Variants in SPTBN4 observed in about 807,000 individuals in gnomAD.
SPTBN4 encodes the protein spectrin beta chain, non-erythrocytic 4.
SPTBN4 carries 96 observed loss-of-function variants against 277.8 expected under a neutral mutation model. The observed-to-expected ratio is 0.35, with a 90% CI of 0.29 to 0.41. The LOEUF is 0.41. Among genes scored for constraint, SPTBN4 ranks in the 10% least tolerant of loss-of-function variants. The pLI is 1.00. For synonymous variants in SPTBN4, 1,481 were observed against 1,580.3 expected, an observed-to-expected ratio of 0.94 and a Z score of 1.49; for missense variants, 3,006 against 3,595.7, an observed-to-expected ratio of 0.84 and a Z score of 4.19.
At chr19:40,520,194 G>T in intron 16 of SPTBN4, 43 bp downstream of exon 16, 1 of 1,325,418 alleles carries the variant, frequency 7.5e-7, no homozygotes, top group South Asian at 2.1e-5. Flanking sequence ...AGAGTCCGAG[G>T]CCGCGGGGGG....
Position 40,560,348 on chromosome 19 carries a change from C to T in SPTBN4, c.5860C>T (p.Leu1954=), listed in dbSNP as rs202196587. The change falls in exon 27 of 36, where the codon CTG becomes TTG. Residue 1954 remains leucine, a synonymous_variant. Coordinates refer to ENST00000598249, the MANE Select transcript of SPTBN4 (RefSeq NM_020971.3). This position sits in a 1 kb window ranked among gnomAD's most constrained non-coding sequence, Gnocchi z 5.2. The part of the protein sequence containing the change: ...ALRFHSQVRD[L]LSWMDGIASQ... ...GCGCTTCCACAGCCAAGTCCGCGAC[C>T]TGCTCTCCTGGATGGATGGCATCGC... 5.9e-5 allele frequency: 95 copies of T among 1,614,132 alleles called. No homozygotes were observed. In the East Asian group the frequency reaches 2.1e-3, roughly 36 times the overall value.
At chr19:40,516,095 A>G (rs2080457063) in intron 15 of SPTBN4, among the ~76,000 whole-genome samples, 1 of 149,204 alleles carries the variant, frequency 6.7e-6, no homozygotes, top group Admixed American at 6.7e-5. Context: ...AAATTTAGCC[A>G]AGCATGGTGG....
intron 1 of SPTBN4, among the ~76,000 whole-genome samples, chr19:40,467,842 C>G (rs1259686437): frequency 6.6e-6 from 1 of 152,134 alleles, no homozygotes; most frequent in Non-Finnish European, 1.5e-5. Context: ...AACTGAGGCA[C>G]AGAAAGGCCA....
rs1327661142 is a variant in SPTBN4, at chr19:40,512,844, G to A, written c.2055G>A (p.Ala685=). The A allele has an allele frequency of 6.9e-7, 1 of 1,457,528 alleles. No homozygotes were observed. The highest frequency in any genetic ancestry group is 8.9e-7 in the Non-Finnish European group (1 of 1,117,862). The allele number at this position is 1,457,528 out of a possible 1,614,324, so 90.3% of individuals were successfully genotyped here. Residue 685 remains alanine, a synonymous_variant, in exon 14 of 36, where the codon GCG becomes GCA. Transcript: ENST00000598249. ...GCGCAGCGGGCGCAGCGGGAACAGC[G>A]GGCGGCGCGCATGACCTGTCCAGCA... is the stretch of plus-strand genomic sequence containing the variant. ...AAGAAGAAGT[A]GGAHDLSSTA...
chr19:40,507,127 A>G (rs1207114826), intron 13 of SPTBN4, among the ~76,000 whole-genome samples: 2 of 152,160 alleles, frequency 1.3e-5, no homozygotes, highest in African/African-American at 4.8e-5. Context: ...AAGCCTAGTC[A>G]ACATGGCGAA....
intron 22 of SPTBN4, among the ~76,000 whole-genome samples, chr19:40,551,472 A>C (rs961928883): frequency 6.6e-5 from 10 of 152,106 alleles, no homozygotes; most frequent in African/African-American, 2.4e-4. Context: ...GGACAGAGAT[A>C]ATCAGCAAGA....
chr19:40,519,395 G>A lies in SPTBN4; in HGVS notation c.2904-6G>A, dbSNP rs2080496377. The A allele has an allele frequency of 1.3e-6, 2 of 1,550,722 alleles. No homozygotes were observed. Among genetic ancestry groups the A allele is most frequent in the Non-Finnish European group, 1.7e-6 (2 of 1,151,128 alleles). On this transcript the variant is annotated splice_polypyrimidine_tract_variant and splice_region_variant and intron_variant, in intron 15 of 35. Coordinates refer to ENST00000598249, the MANE Select transcript of SPTBN4 (RefSeq NM_020971.3). The surrounding 1 kb of genome is among the most constrained non-coding windows in gnomAD (Gnocchi z 5.7). The stretch of plus-strand genomic sequence containing the variant: ...CTCCTCAAGTCACTCTCTTTCCCCT[G>A]GGCAGGTGGAACCGCATCGTGGAGC...
chr19:40,567,343 A>AAATAAAGT (rs1191308858), intron 30 of SPTBN4, among the ~76,000 whole-genome samples: 1 of 148,178 alleles, frequency 6.7e-6, no homozygotes. Flanking sequence ...ATAAATAAAT[A>AAATAAAGT]AAGTCTTAAA....
In SPTBN4 at chr19:40,554,143, C is replaced by A. The variant is rs898941388; in HGVS notation, c.4675-4C>A. ...ACCCACATCCCCTTACCTCCTGCCC[C>A]CAGGGCCTGCGGCGGGAGATCCAGG... On this transcript the variant is annotated splice_region_variant and splice_polypyrimidine_tract_variant and intron_variant, in intron 22 of 35. Transcript: ENST00000598249. The surrounding 1 kb of genome is among the most constrained non-coding windows in gnomAD (Gnocchi z 5.7). 5 of 1,442,140 alleles carry A rather than the reference C, an allele frequency of 3.5e-6. No individual in the cohort carries two copies. Among genetic ancestry groups the A allele is most frequent in the African/African-American group, 1.5e-5 (1 of 66,850 alleles). 89.3% of individuals were successfully genotyped at this position (1,442,140 alleles called of 1,614,324 possible).
At chr19:40,518,950 A>C (rs1236185040) in intron 15 of SPTBN4, among the ~76,000 whole-genome samples, 3 of 152,188 alleles carry the variant, frequency 2.0e-5, no homozygotes, top group Non-Finnish European at 4.4e-5. Flanking sequence ...GTGTTAATAT[A>C]ACTTTTTTAT....
intron 7 of SPTBN4, among the ~76,000 whole-genome samples, chr19:40,499,302 A>G (rs1392143476): frequency 1.3e-5 from 2 of 150,982 alleles, no homozygotes; most frequent in Non-Finnish European, 3.0e-5. Flanking sequence ...GTCCTCCCAA[A>G]GAGCTGGGAT....
chr19:40,489,227 A>AG (rs765012648), intron 3 of SPTBN4, among the ~76,000 whole-genome samples: 4,394 of 139,912 alleles, frequency 0.031, 249 homozygotes, highest in African/African-American at 0.12. Context: ...AAAAAAAAAA[A>AG]AAAAGAAAGA....
chr19:40,546,596 A>G (rs922593605), intron 20 of SPTBN4, among the ~76,000 whole-genome samples: 1 of 152,164 alleles, frequency 6.6e-6, no homozygotes, highest in Non-Finnish European at 1.5e-5. Flanking sequence ...TAATCCCAGC[A>G]CTTTGGAAGG....
intron 16 of SPTBN4, among the ~76,000 whole-genome samples, chr19:40,521,635 G>C (rs376156139): frequency 6.6e-6 from 1 of 152,050 alleles, no homozygotes; most frequent in South Asian, 2.1e-4. Context: ...ATGCTCACTC[G>C]CCCCCCCTCC....
At chr19:40,479,675 CATATATAT>C (rs34118043) in intron 2 of SPTBN4, among the ~76,000 whole-genome samples, 2,035 of 126,682 alleles carry the variant, frequency 0.016, 32 homozygotes, top group East Asian at 0.079. Context: ...AATGAGTAAG[CATATATAT>C]ATATATATAT....
At chr19:40,570,849 T>A in intron 33 of SPTBN4, 121 bp downstream of exon 33, 2 of 1,010,376 alleles carry the variant, frequency 2.0e-6, no homozygotes, top group Non-Finnish European at 1.3e-6. Flanking sequence ...GTGGCGGTAG[T>A]AGGTGGGGCC....
Position 40,570,701 on chromosome 19 carries a change from TC to T in SPTBN4, c.7293del (p.Asp2432ThrfsTer12). On this transcript the variant is annotated frameshift_variant, in exon 33 of 36. Coordinates refer to ENST00000598249, the MANE Select transcript of SPTBN4 (RefSeq NM_020971.3). LOFTEE classifies it high-confidence loss of function. ...HEGFLLRKRE[L>X]DANRKSSNRS... The stretch of plus-strand genomic sequence containing the variant: ...GGCTTCCTACTGCGCAAGCGCGAGC[TC>T]GACGCTAACCGCAAGTCGTCCAACC... 6.2e-7 allele frequency: 1 copy of T among 1,608,450 alleles called. No individual in the cohort carries two copies. Among genetic ancestry groups the T allele is most frequent in the Non-Finnish European group, 8.5e-7 (1 of 1,178,140 alleles).
At chr19:40,488,560 G>A (rs2080099549) in intron 3 of SPTBN4, among the ~76,000 whole-genome samples, 1 of 152,194 alleles carries the variant, frequency 6.6e-6, no homozygotes. Flanking sequence ...GGGAGCCAAG[G>A]TGGGAGGAAC....
At chr19:40,474,818 G>T (rs147378337) in intron 2 of SPTBN4, among the ~76,000 whole-genome samples, 1,929 of 152,062 alleles carry the variant, frequency 0.013, 43 homozygotes, top group African/African-American at 0.044. Flanking sequence ...CTTGAACCCG[G>T]GAGATGGGGG....
Sources: allele counts gnomAD v4.1 joint callset (sites outside exome capture counted in the v4.1 genomes callset), GRCh38; gene constraint gnomAD v4.1.1; non-coding constraint Gnocchi (gnomAD v3.1); transcripts MANE v1.5; gene names NCBI Gene and HGNC (gene_info 2026-07-23, HGNC 2026-07-21).